The following CDC42BPA variants were observed in gnomAD, a reference collection of about 807,000 sequenced individuals.
CDC42BPA encodes the protein serine/threonine-protein kinase MRCK alpha.
Under a neutral mutation model 223.5 loss-of-function variants are expected in CDC42BPA, and 80 were observed. That is an observed-to-expected ratio of 0.36 (90% CI 0.30 to 0.43). CDC42BPA has a LOEUF of 0.43. Among genes scored for constraint, CDC42BPA ranks in the 20% least tolerant of loss-of-function variants. The probability of loss-of-function intolerance (pLI) is 1.00; values close to 1 mark genes in which losing one functional copy is unlikely to be tolerated. For synonymous variants in CDC42BPA, 694 were observed against 718.6 expected, an observed-to-expected ratio of 0.97 and a Z score of 0.55; for missense variants, 1,743 against 2,099.9, an observed-to-expected ratio of 0.83 and a Z score of 3.32.
At chr1:227,168,613 AGCCTCCCGAGTAGCTGG>A (rs1313581705) in intron 5 of CDC42BPA, among the ~76,000 whole-genome samples, 1 of 149,262 alleles carries the variant, frequency 6.7e-6, no homozygotes, top group Non-Finnish European at 1.5e-5. Flanking sequence ...CTCCTGCCTC[AGCCTCCCGAGTAGCTGG>A]GACTACAGGC....
chr1:227,088,262 G>C (rs1682369587), intron 16 of CDC42BPA, among the ~76,000 whole-genome samples: 1 of 152,128 alleles, frequency 6.6e-6, no homozygotes, highest in Non-Finnish European at 1.5e-5. Flanking sequence ...AATTAAATGA[G>C]TTATATGAAG....
At chr1:227,181,332 T>C (rs1011149114) in intron 5 of CDC42BPA, among the ~76,000 whole-genome samples, 1 of 152,234 alleles carries the variant, frequency 6.6e-6, no homozygotes, top group Non-Finnish European at 1.5e-5. Context: ...AAGATCTTCA[T>C]ATTGCATTTT....
chr1:227,060,174 G>C (rs1343651835), intron 21 of CDC42BPA, among the ~76,000 whole-genome samples: 1 of 151,682 alleles, frequency 6.6e-6, no homozygotes, highest in Non-Finnish European at 1.5e-5. Context: ...TGGGATTACA[G>C]GTGCCCACCA....
At chr1:227,146,549 G>A (rs762031341) in intron 7 of CDC42BPA, among the ~76,000 whole-genome samples, 3 of 151,940 alleles carry the variant, frequency 2.0e-5, no homozygotes, top group South Asian at 2.1e-4. Context: ...CCCTTCTATC[G>A]GATATTCATA....
intron 34 of CDC42BPA, among the ~76,000 whole-genome samples, chr1:227,011,974 T>A (rs1289283157): frequency 6.6e-6 from 1 of 152,164 alleles, no homozygotes; most frequent in Non-Finnish European, 1.5e-5. Context: ...TGAGCTGAGA[T>A]GAACCTGCTT....
At chr1:227,301,362 ATT>A (rs368829941) in intron 1 of CDC42BPA, among the ~76,000 whole-genome samples, 13 of 109,916 alleles carry the variant, frequency 1.2e-4, no homozygotes, top group South Asian at 6.7e-4. Context: ...GGATGTAGAC[ATT>A]TTTTTTTTTT....
At chr1:227,224,291 T>A (rs555398716) in intron 2 of CDC42BPA, among the ~76,000 whole-genome samples, 323 of 151,430 alleles carry the variant, frequency 2.1e-3, no homozygotes, top group African/African-American at 7.7e-3. Context: ...TGGAGTGCAA[T>A]GGTGCAGTCT....
chr1:226,998,460 G>T (rs1400046053), intron 35 of CDC42BPA, among the ~76,000 whole-genome samples: 1 of 152,050 alleles, frequency 6.6e-6, no homozygotes, highest in Non-Finnish European at 1.5e-5. Context: ...TAGACCAATG[G>T]AACACAATAG....
At chr1:227,108,168 T>A (rs915827962) in intron 14 of CDC42BPA, among the ~76,000 whole-genome samples, 3 of 152,200 alleles carry the variant, frequency 2.0e-5, no homozygotes, top group Admixed American at 2.0e-4. Context: ...TCTAGTACCT[T>A]AAGATATAAA....
At chr1:227,089,842 C>T (rs1231948914) in intron 16 of CDC42BPA, among the ~76,000 whole-genome samples, 2 of 151,916 alleles carry the variant, frequency 1.3e-5, no homozygotes, top group African/African-American at 2.4e-5. Flanking sequence ...TGAAATTAAA[C>T]CAATAATTGA....
chr1:227,016,815 C>T, intron 33 of CDC42BPA, 112 bp downstream of exon 33: 1 of 1,051,272 alleles, frequency 9.5e-7, no homozygotes, highest in Non-Finnish European at 1.3e-6. Flanking sequence ...CACCACAGAT[C>T]AATGAGATTT....
intron 21 of CDC42BPA, among the ~76,000 whole-genome samples, chr1:227,056,312 A>G (rs1290807349): frequency 6.6e-6 from 1 of 152,212 alleles, no homozygotes; most frequent in Non-Finnish European, 1.5e-5. Flanking sequence ...ACTAAAAACT[A>G]GCTTGCATCT....
At chr1:227,244,614 G>T (rs1425138663) in intron 2 of CDC42BPA, among the ~76,000 whole-genome samples, 1 of 152,160 alleles carries the variant, frequency 6.6e-6, no homozygotes, top group Non-Finnish European at 1.5e-5. Context: ...GTGAAGCAAG[G>T]TAGCAGAATA....
rs57568297 is a variant in CDC42BPA at position 227,144,574 on chromosome 1, C to CAAAA, written c.1143+911_1143+914dup. On this transcript the variant is annotated intron_variant, in intron 8 of 36. Coordinates refer to ENST00000366766, the MANE Select transcript of CDC42BPA (RefSeq NM_001394014.1). Reference sequence around the variant, plus strand: ...TGGGAGACAGAGCGAGACTCTGTCTCAAAAAAAAAAAAAAAAAAAAAAAAA... The same window carrying CAAAA: ...TGGGAGACAGAGCGAGACTCTGTCTCAAAAAAAAAAAAAAAAAAAAAAAAAAAAA... Among the ~76,000 whole-genome samples the CAAAA allele has an allele frequency of 5.3e-3, 339 of 63,496 alleles. 20 individuals are homozygous for CAAAA. The highest frequency in any genetic ancestry group is 6.9e-3 in the Non-Finnish European group (255 of 36,844). The allele number at this position is 63,496 out of a possible 152,430, so 41.7% of individuals were successfully genotyped here.
At chr1:227,194,418 A>C (rs1670322996) in intron 4 of CDC42BPA, among the ~76,000 whole-genome samples, 1 of 152,236 alleles carries the variant, frequency 6.6e-6, no homozygotes, top group African/African-American at 2.4e-5. Flanking sequence ...ATCAGCCTAT[A>C]GATCAGCATT....
At chr1:227,273,532 T>A (rs1686342523) in intron 1 of CDC42BPA, among the ~76,000 whole-genome samples, 2 of 137,252 alleles carry the variant, frequency 1.5e-5, no homozygotes, top group African/African-American at 2.6e-5. Context: ...CGAAACTCTG[T>A]CTCAAAAAAA....
chr1:227,207,241 G>A (rs1278321335), intron 3 of CDC42BPA, among the ~76,000 whole-genome samples: 1 of 150,236 alleles, frequency 6.7e-6, no homozygotes, highest in Non-Finnish European at 1.5e-5. Context: ...TTTCATCCAT[G>A]TCCCTACAAA....
chr1:227,028,638 G>C lies in CDC42BPA; in HGVS notation c.4432+19C>G, dbSNP rs376466162. On this transcript the variant is annotated intron_variant, in intron 30 of 36. Coordinates refer to ENST00000366766, the MANE Select transcript of CDC42BPA (RefSeq NM_001394014.1). Reference sequence around the variant, plus strand: ...GAAGAGATATAAAGATAAGACAGCCGTAAGAAAGAGAATCTTACAACAAGA... The same window carrying C: ...GAAGAGATATAAAGATAAGACAGCCCTAAGAAAGAGAATCTTACAACAAGA... 3.4e-6 allele frequency: 5 copies of C among 1,468,838 alleles called. No homozygotes were observed. In the East Asian group the frequency reaches 6.9e-5, roughly 20 times the overall value. 91.0% of individuals were successfully genotyped at this position (1,468,838 alleles called of 1,614,324 possible). A position where few individuals can be genotyped will look rare whatever the true frequency, so the allele number is the denominator to read the frequency against.
chr1:227,189,359 T>G (rs115498733), intron 5 of CDC42BPA, among the ~76,000 whole-genome samples: 3,960 of 152,272 alleles, frequency 0.026, 75 homozygotes, highest in Non-Finnish European at 0.041. Flanking sequence ...GAAAAATGTA[T>G]TTAGAATTAT....
Sources: gnomAD v4.1 joint callset for allele counts (sites outside exome capture counted in the v4.1 genomes callset) on GRCh38, gnomAD v4.1.1 for gene constraint, MANE v1.5 for transcripts, NCBI Gene and HGNC (gene_info 2026-07-23, HGNC 2026-07-21) for gene names.